CDV3: variants seen among roughly 807,000 people sequenced by gnomAD.
CDV3 encodes CDV3 homolog.
A neutral mutation model predicts 24.5 loss-of-function variants in CDV3; 14 were observed. That is an observed-to-expected ratio of 0.57 (90% CI 0.38 to 0.89). CDV3 has a LOEUF of 0.89. CDV3 is among the 40% of genes least tolerant of loss of function. CDV3 has a pLI of 0.00. For missense variants in CDV3, 304 were observed against 310.2 expected, an observed-to-expected ratio of 0.98 and a Z score of 0.15; for synonymous variants, 114 against 114.1, an observed-to-expected ratio of 1.00 and a Z score of 0.00.
At chr3:133,575,197 C>T in intron 2 of CDV3, 82 bp downstream of exon 2, 1 of 775,228 alleles carries the variant, frequency 1.3e-6, no homozygotes, top group South Asian at 1.5e-5. Context: ...GGCCCCAAAG[C>T]AGCATCATAG....
intron 2 of CDV3, among the ~76,000 whole-genome samples, chr3:133,580,079 T>C (rs1231559779): frequency 6.6e-6 from 1 of 152,176 alleles, no homozygotes; most frequent in African/African-American, 2.4e-5. Context: ...CATCAACTTG[T>C]CATTTACATT....
At position 133,574,040 on chromosome 3, in the gene CDV3, A is replaced by G; in HGVS notation, c.-5A>G. 1 of 1,175,552 alleles carries G rather than the reference A, an allele frequency of 8.5e-7. No homozygotes were observed. The highest frequency in any genetic ancestry group is 1.1e-6 in the Non-Finnish European group (1 of 930,754). The allele number at this position is 1,175,552 out of a possible 1,614,324, so 72.8% of individuals were successfully genotyped here. On this transcript the variant is annotated 5_prime_UTR_variant, in exon 1 of 5. Transcript: ENST00000264993. ...CCACCCATCCGGGTCGAGGAGGCCGAGGCCATGGCTGAGACGGAGGAGCGG... is the reference window on the plus strand; with the variant it reads ...CCACCCATCCGGGTCGAGGAGGCCGGGGCCATGGCTGAGACGGAGGAGCGG...
In CDV3 at chr3:133,589,017, G is replaced by A. The variant is rs1174719775; in HGVS notation, c.*971G>A. 1 of 152,646 alleles carries A rather than the reference G, an allele frequency of 6.6e-6. No individual in the cohort carries two copies. The highest frequency in any genetic ancestry group is 2.4e-5 in the African/African-American group (1 of 41,426). 9.5% of individuals were successfully genotyped at this position (152,646 alleles called of 1,614,324 possible). A position where few individuals can be genotyped will look rare whatever the true frequency, so the allele number is the denominator to read the frequency against. ...AATAGCCTTTGATGAAAAGGGCAGT[G>A]GATTCTGGAGGCTCTACTTCAGGTG... On this transcript the variant is annotated 3_prime_UTR_variant, in exon 5 of 5. Coordinates refer to ENST00000264993, the MANE Select transcript of CDV3 (RefSeq NM_017548.5).
Position 133,586,593 on chromosome 3 carries a change from G to T in CDV3, c.497G>T (p.Ser166Ile). 1 of 1,598,312 alleles carries T rather than the reference G, an allele frequency of 6.3e-7. No individual in the cohort carries two copies. Among genetic ancestry groups the T allele is most frequent in the African/African-American group, 1.3e-5 (1 of 74,736 alleles). The change falls in exon 4 of 5, where the codon AGT (serine) becomes ATT (isoleucine). Residue 166 changes from serine (S) to isoleucine (I), a missense_variant. By Grantham distance (142) the Ser-to-Ile change is moderately radical (BLOSUM62 -2). Transcript: ENST00000264993. ...GAAACCCCAGAACCAGCGATGACTA[G>T]TGGTGTGTATAGGCCTCCTGGGGCC... ...VTETPEPAMT[S>I]GVYRPPGARL...
Position 133,577,624 on chromosome 3 carries a change from T to C in CDV3, c.317+2509T>C, listed in dbSNP as rs564852430. ...ATCCACCCACCTCGGCCTTCCAAAG[T>C]GCTGGGATCACAGGCATGAGCCTCT... is the stretch of plus-strand genomic sequence containing the variant. On this transcript the variant is annotated intron_variant, in intron 2 of 4. Transcript: ENST00000264993. Among the ~76,000 whole-genome samples the C allele has an allele frequency of 2.6e-5, 4 of 152,326 alleles. No individual in the cohort carries two copies. In the East Asian group the frequency reaches 7.7e-4, roughly 29 times the overall value.
chr3:133,584,331 C>T (rs1282974906), intron 3 of CDV3, among the ~76,000 whole-genome samples, 181 bp downstream of exon 3: 1 of 152,112 alleles, frequency 6.6e-6, no homozygotes, highest in Non-Finnish European at 1.5e-5. Flanking sequence ...TAAAAGGAAT[C>T]TGGAAGTTAA....
At chr3:133,576,864 T>TTTTTTTTTTTTTC (rs869170539) in intron 2 of CDV3, among the ~76,000 whole-genome samples, 1 of 139,862 alleles carries the variant, frequency 7.1e-6, no homozygotes, top group African/African-American at 2.7e-5. Context: ...TTTTTTTTTT[T>TTTTTTTTTTTTTC]GAGACGAAGT....
At chr3:133,575,832 A>G (rs1185587221) in intron 2 of CDV3, among the ~76,000 whole-genome samples, 2 of 152,250 alleles carry the variant, frequency 1.3e-5, no homozygotes, top group Non-Finnish European at 2.9e-5. Context: ...GTCAACTTTA[A>G]GGTTGATGTT....
In CDV3 at chr3:133,573,696, C is replaced by T. The variant is rs2074693645; in HGVS notation, c.-349C>T. On this transcript the variant is annotated 5_prime_UTR_variant, in exon 1 of 5. Transcript: ENST00000264993. ...CGCGCGCGCCTCTTCCTCCGGCACG[C>T]GCCGCTGCTAGCCGAGCACTCTCGC... 1 of 152,068 alleles carries T rather than the reference C, an allele frequency of 6.6e-6. No individual in the cohort carries two copies. Among genetic ancestry groups the T allele is most frequent in the Non-Finnish European group, 1.5e-5 (1 of 68,038 alleles). The allele number at this position is 152,068 out of a possible 1,614,324, so 9.4% of individuals were successfully genotyped here.
chr3:133,578,332 T>C (rs1263110284), intron 2 of CDV3, among the ~76,000 whole-genome samples: 8 of 152,234 alleles, frequency 5.3e-5, no homozygotes, highest in African/African-American at 1.2e-4. Context: ...CTTGAAGGTA[T>C]ACACTGTTGA....
intron 2 of CDV3, among the ~76,000 whole-genome samples, chr3:133,581,459 T>A (rs889179889): frequency 5.3e-5 from 8 of 152,230 alleles, no homozygotes; most frequent in Non-Finnish European, 1.0e-4. Flanking sequence ...TTTAGAAATT[T>A]TTTTGAGAAA....
intron 4 of CDV3, chr3:133,587,290 G>A (rs568696736): frequency 1.2e-4 from 156 of 1,265,816 alleles, no homozygotes; most frequent in Non-Finnish European, 1.5e-4. Flanking sequence ...ATGGAAATGT[G>A]TTTTTTGGGG....
At chr3:133,574,977 T>G (rs1448192608) in intron 1 of CDV3, 62 bp from the exon 2 acceptor site, 1 of 1,015,996 alleles carries the variant, frequency 9.8e-7, no homozygotes, top group Admixed American at 1.8e-5. Context: ...TCGTAGTGTG[T>G]TATTTGCTTA....
At chr3:133,575,006 G>C (rs760862796) in intron 1 of CDV3, 33 bp from the exon 2 acceptor site, 1 of 1,338,110 alleles carries the variant, frequency 7.5e-7, no homozygotes, top group Non-Finnish European at 1.1e-6. Context: ...TCTACAAATA[G>C]CTTTAATTGA....
chr3:133,583,301 G>A (rs759012925), intron 2 of CDV3, among the ~76,000 whole-genome samples: 11 of 152,154 alleles, frequency 7.2e-5, no homozygotes, highest in Admixed American at 1.3e-4. Context: ...CGAAAGGATT[G>A]GCAAATAAAA....
Position 133,589,625 on chromosome 3 carries a change from C to T in CDV3, c.*1579C>T, listed in dbSNP as rs1933926827. ...AGACTTGCTACTGGCAAGAGTGAAG[C>T]AAGTGGGTGAGTAAAACTATTTTGA... On this transcript the variant is annotated 3_prime_UTR_variant, in exon 5 of 5. Transcript: ENST00000264993. 2 of 152,612 alleles carry T rather than the reference C, an allele frequency of 1.3e-5. No individual in the cohort carries two copies. Among genetic ancestry groups the T allele is most frequent in the Non-Finnish European group, 2.9e-5 (2 of 68,044 alleles). 9.5% of individuals were successfully genotyped at this position (152,612 alleles called of 1,614,324 possible).
intron 4 of CDV3, chr3:133,587,604 A>G: frequency 8.8e-7 from 1 of 1,140,742 alleles, no homozygotes; most frequent in Non-Finnish European, 1.1e-6. Context: ...GAGTCTTAGG[A>G]GGAATGTCAT....
At chr3:133,582,640 T>A (rs1933160129) in intron 2 of CDV3, among the ~76,000 whole-genome samples, 1 of 152,214 alleles carries the variant, frequency 6.6e-6, no homozygotes, top group South Asian at 2.1e-4. Flanking sequence ...CCTAAGGTTA[T>A]ACAGTTAAGA....
chr3:133,581,511 CTCT>C (rs1933024222), intron 2 of CDV3, among the ~76,000 whole-genome samples: 1 of 152,112 alleles, frequency 6.6e-6, no homozygotes, highest in Admixed American at 6.5e-5. Flanking sequence ...TATCTGTAGT[CTCT>C]TCTATTTAGG....
Sources: allele counts gnomAD v4.1 joint callset (sites outside exome capture counted in the v4.1 genomes callset), GRCh38; gene constraint gnomAD v4.1.1; transcripts MANE v1.5; gene names NCBI Gene and HGNC (gene_info 2026-07-23, HGNC 2026-07-21).